The following PLCL1 variants were observed in gnomAD, a reference collection of about 807,000 sequenced individuals.
PLCL1 encodes the protein inactive phospholipase C-like protein 1.
Under a neutral mutation model 84.4 loss-of-function variants are expected in PLCL1, and 41 were observed. That is an observed-to-expected ratio of 0.49 (90% confidence interval 0.38 to 0.63). The LOEUF (loss-of-function observed/expected upper bound fraction) is 0.63, where lower values mean the gene tolerates loss of function less well. PLCL1 is among the 30% of genes least tolerant of loss of function. The probability of loss-of-function intolerance (pLI) is 0.00; values close to 1 mark genes in which losing one functional copy is unlikely to be tolerated. For synonymous variants in PLCL1, 490 were observed against 488.3 expected, an observed-to-expected ratio of 1.00 and a Z score of -0.05; for missense variants, 1,206 against 1,367.8, an observed-to-expected ratio of 0.88 and a Z score of 1.87.
intron 5 of PLCL1, among the ~76,000 whole-genome samples, chr2:198,107,626 T>A (rs1693507718): frequency 6.6e-6 from 1 of 151,990 alleles, no homozygotes. Flanking sequence ...TTGTTATTTT[T>A]ATTTCTTTGT....
chr2:198,068,541 T>C (rs1008258555), intron 1 of PLCL1, among the ~76,000 whole-genome samples: 1 of 152,196 alleles, frequency 6.6e-6, no homozygotes, highest in Non-Finnish European at 1.5e-5. Flanking sequence ...CTCTCAGGGG[T>C]TGTGCTGGTC....
chr2:197,973,775 C>A (rs953984227), intron 1 of PLCL1, among the ~76,000 whole-genome samples: 1 of 152,124 alleles, frequency 6.6e-6, no homozygotes, highest in Non-Finnish European at 1.5e-5. Flanking sequence ...GTCAAGTGGG[C>A]CTTGCAGGCC....
chr2:197,881,878 C>T (rs1367206921), intron 1 of PLCL1, among the ~76,000 whole-genome samples: 3 of 152,148 alleles, frequency 2.0e-5, no homozygotes, highest in Non-Finnish European at 4.4e-5. Flanking sequence ...CTGCCCCATC[C>T]TCTTACTCTC....
chr2:197,869,244 T>A (rs905619647), intron 1 of PLCL1, among the ~76,000 whole-genome samples: 1 of 152,152 alleles, frequency 6.6e-6, no homozygotes. Context: ...ATTGTTTCTA[T>A]CATATCAAAT....
chr2:198,098,708 G>A (rs1019429163), intron 3 of PLCL1, among the ~76,000 whole-genome samples: 3 of 152,132 alleles, frequency 2.0e-5, no homozygotes, highest in African/African-American at 7.2e-5. Flanking sequence ...CTAATATGAC[G>A]AAAGTGCATC....
chr2:197,831,959 A>G (rs1012304065), intron 1 of PLCL1, among the ~76,000 whole-genome samples: 2 of 152,192 alleles, frequency 1.3e-5, no homozygotes, highest in Non-Finnish European at 2.9e-5. Context: ...GAAACCAATG[A>G]GAACAAAGAC....
At chr2:198,138,805 A>G (rs143440812) in intron 5 of PLCL1, among the ~76,000 whole-genome samples, 141 of 152,282 alleles carry the variant, frequency 9.3e-4, no homozygotes, top group African/African-American at 3.1e-3. Flanking sequence ...GGGCCCCACA[A>G]AGTATCAGCT....
At chr2:197,818,613 C>G (rs1293479845) in intron 1 of PLCL1, among the ~76,000 whole-genome samples, 2 of 152,154 alleles carry the variant, frequency 1.3e-5, no homozygotes, top group Non-Finnish European at 2.9e-5. Context: ...AAACAATCCT[C>G]CTGATTCAGC....
chr2:197,949,512 T>C (rs1466782851), intron 1 of PLCL1, among the ~76,000 whole-genome samples: 2 of 152,178 alleles, frequency 1.3e-5, no homozygotes, highest in Admixed American at 6.5e-5. Flanking sequence ...AAAAACCCTA[T>C]TTGTGAAAAT....
At chr2:198,020,985 C>T (rs1691119830) in intron 1 of PLCL1, among the ~76,000 whole-genome samples, 3 of 152,176 alleles carry the variant, frequency 2.0e-5, no homozygotes, top group East Asian at 3.9e-4. Context: ...TAAAATGGAC[C>T]ACATAATTGG....
chr2:198,112,347 C>T (rs1693642633), intron 5 of PLCL1, among the ~76,000 whole-genome samples: 1 of 151,856 alleles, frequency 6.6e-6, no homozygotes, highest in African/African-American at 2.4e-5. Flanking sequence ...AGACCAGACC[C>T]AGGACCCCTG....
At chr2:197,869,865 C>T (rs1180469136) in intron 1 of PLCL1, among the ~76,000 whole-genome samples, 2 of 152,254 alleles carry the variant, frequency 1.3e-5, no homozygotes, top group South Asian at 2.1e-4. Context: ...AGACTTCTTA[C>T]GTAATTCAGG....
intron 1 of PLCL1, among the ~76,000 whole-genome samples, chr2:197,953,172 C>T (rs1030892717): frequency 6.6e-6 from 1 of 152,058 alleles, no homozygotes; most frequent in Non-Finnish European, 1.5e-5. Context: ...GGTCATATGA[C>T]TAATGCGGAG....
intron 1 of PLCL1, among the ~76,000 whole-genome samples, chr2:197,858,936 C>T (rs1687379482): frequency 6.6e-6 from 1 of 152,108 alleles, no homozygotes; most frequent in African/African-American, 2.4e-5. Context: ...CCTTGTTACT[C>T]CTCCATGGGG....
Position 198,047,165 on chromosome 2 carries a change from ATGTGTGTGTG to A in PLCL1, c.241-36573_241-36564del, listed in dbSNP as rs10560234. 3.4e-5 allele frequency among the ~76,000 whole-genome samples: 5 copies of A among 148,836 alleles called. No homozygotes were observed. In the South Asian group the frequency reaches 1.1e-3, roughly 32 times the overall value. On this transcript the variant is annotated intron_variant, in intron 1 of 5. Coordinates refer to ENST00000428675, the MANE Select transcript of PLCL1 (RefSeq NM_006226.4). ...AACCAGGAGAGATGCATGTGTGTGTATGTGTGTGTGTGTGTGTGTGTGTGTGTGTTTTGTT... is the reference window on the plus strand; with the variant it reads ...AACCAGGAGAGATGCATGTGTGTGTATGTGTGTGTGTGTGTGTGTTTTGTT...
Position 198,058,371 on chromosome 2 carries a change from T to C in PLCL1, c.241-25387T>C, listed in dbSNP as rs535284055. ...ATTAAATATATCCCTTCTCAAGGTGTCTACTGTAAAGGAGGAAGAATTCAT... is the reference window on the plus strand; with the variant it reads ...ATTAAATATATCCCTTCTCAAGGTGCCTACTGTAAAGGAGGAAGAATTCAT... On this transcript the variant is annotated intron_variant, in intron 1 of 5. Coordinates refer to ENST00000428675, the MANE Select transcript of PLCL1 (RefSeq NM_006226.4). Among the ~76,000 whole-genome samples, 358 of 152,154 alleles carry C rather than the reference T, an allele frequency of 2.4e-3. 2 individuals carry two copies. The highest frequency in any genetic ancestry group is 4.2e-3 in the Non-Finnish European group (285 of 67,972).
At chr2:198,088,040 T>C (rs1220690454) in intron 2 of PLCL1, among the ~76,000 whole-genome samples, 1 of 152,206 alleles carries the variant, frequency 6.6e-6, no homozygotes, top group Non-Finnish European at 1.5e-5. Flanking sequence ...CTATGTTAGA[T>C]TAGTTATAAA....
intron 1 of PLCL1, among the ~76,000 whole-genome samples, chr2:197,937,574 TC>T (rs1689076246): frequency 6.6e-6 from 1 of 152,220 alleles, no homozygotes; most frequent in Admixed American, 6.5e-5. Flanking sequence ...AGCCTCTTTG[TC>T]TCATCTCCCT....
At chr2:198,009,197 AT>A (rs1690807023) in intron 1 of PLCL1, among the ~76,000 whole-genome samples, 1 of 151,792 alleles carries the variant, frequency 6.6e-6, no homozygotes, top group African/African-American at 2.4e-5. Flanking sequence ...GTGTCATTCC[AT>A]TTGTTTATTT....
Sources: allele counts gnomAD v4.1 joint callset (sites outside exome capture counted in the v4.1 genomes callset), GRCh38; gene constraint gnomAD v4.1.1; transcripts MANE v1.5; gene names NCBI Gene and HGNC (gene_info 2026-07-23, HGNC 2026-07-21).